Variants in RAB3B observed in about 807,000 individuals in gnomAD.
RAB3B encodes ras-related protein Rab-3B.
In RAB3B, 11 loss-of-function variants were observed where a neutral mutation model predicts 20.5. The observed-to-expected ratio is 0.54, with a 90% CI of 0.34 to 0.89. The LOEUF (loss-of-function observed/expected upper bound fraction) is 0.89. RAB3B is among the 40% of genes least tolerant of loss of function. The probability of loss-of-function intolerance (pLI) is 0.02; values close to 1 mark genes in which losing one functional copy is unlikely to be tolerated. For synonymous variants in RAB3B, 99 were observed against 106.3 expected (o/e 0.93, Z 0.42); for missense variants, 225 against 280.9 (o/e 0.80, Z 1.42).
At chr1:51,980,279 T>A (rs754242443) in intron 1 of RAB3B, among the ~76,000 whole-genome samples, 42 of 151,860 alleles carry the variant, frequency 2.8e-4, no homozygotes, top group Non-Finnish European at 4.7e-4. Flanking sequence ...AAGTAAAAAA[T>A]TAGCCAGCCG....
intron 2 of RAB3B, among the ~76,000 whole-genome samples, chr1:51,974,889 A>T (rs540891675): frequency 6.2e-4 from 94 of 152,390 alleles, no homozygotes; most frequent in Middle Eastern, 3.4e-3. Flanking sequence ...ATTAATGTAC[A>T]TTTAACACGC....
chr1:51,946,822 A>C (rs1275108952), intron 2 of RAB3B, among the ~76,000 whole-genome samples: 1 of 152,200 alleles, frequency 6.6e-6, no homozygotes, highest in African/African-American at 2.4e-5. Context: ...TTTTCAAAAA[A>C]CCCTTCTGAA....
chr1:51,960,446 A>G (rs1684770469), intron 2 of RAB3B, among the ~76,000 whole-genome samples: 1 of 152,198 alleles, frequency 6.6e-6, no homozygotes, highest in Non-Finnish European at 1.5e-5. Flanking sequence ...CAGACTTCAC[A>G]GAGGAAGGTG....
intron 2 of RAB3B, among the ~76,000 whole-genome samples, chr1:51,958,594 A>G (rs1447544307): frequency 1.3e-5 from 2 of 152,156 alleles, no homozygotes; most frequent in Non-Finnish European, 2.9e-5. Flanking sequence ...GTGGAGGCGC[A>G]TGCCTGTAAT....
chr1:51,947,023 C>T (rs1393512608), intron 2 of RAB3B, among the ~76,000 whole-genome samples: 1 of 152,020 alleles, frequency 6.6e-6, no homozygotes, highest in African/African-American at 2.4e-5. Flanking sequence ...GTTTGAGTCC[C>T]CAGTTGATAT....
intron 2 of RAB3B, among the ~76,000 whole-genome samples, chr1:51,957,869 A>G (rs1350894566): frequency 6.6e-6 from 1 of 152,226 alleles, no homozygotes; most frequent in Non-Finnish European, 1.5e-5. Context: ...GTAAATTTCC[A>G]AGCCAGCCTT....
intron 1 of RAB3B, among the ~76,000 whole-genome samples, chr1:51,989,401 C>T (rs1333738679): frequency 1.3e-5 from 2 of 151,950 alleles, no homozygotes; most frequent in Admixed American, 6.6e-5. Context: ...CTCTTATTTT[C>T]TGTGATCCCC....
At chr1:51,937,502 ATTT>A in intron 2 of RAB3B, 90 bp from the exon 3 acceptor site, 4 of 705,834 alleles carry the variant, frequency 5.7e-6, no homozygotes, top group East Asian at 3.6e-5. Context: ...AACCCAAGAC[ATTT>A]TTTTTTTTTG....
At chr1:51,929,268 GA>G (rs1684290227) in intron 4 of RAB3B, among the ~76,000 whole-genome samples, 2 of 152,198 alleles carry the variant, frequency 1.3e-5, no homozygotes. Flanking sequence ...GAGAAATGGA[GA>G]GTGCAATTGA....
chr1:51,976,887 C>T lies in RAB3B; in HGVS notation c.228+3G>A, dbSNP rs544931960. 3.3e-5 allele frequency: 54 copies of T among 1,613,102 alleles called. No individual in the cohort carries two copies. The highest frequency in any genetic ancestry group is 3.3e-4 in the African/African-American group (25 of 75,032). ...AATCCTGCCCAAGATTCCCGGGACT[C>T]ACCCAGATCTGCAGTTTCACCCGCT... On this transcript the variant is annotated splice_donor_region_variant and intron_variant, in intron 2 of 4. Transcript: ENST00000371655.
chr1:51,952,692 A>C (rs1468433647), intron 2 of RAB3B, among the ~76,000 whole-genome samples: 4 of 152,222 alleles, frequency 2.6e-5, no homozygotes, highest in African/African-American at 9.6e-5. Flanking sequence ...TGAACAAAGG[A>C]ATGAATAAAT....
intron 4 of RAB3B, among the ~76,000 whole-genome samples, chr1:51,923,390 T>C (rs1022223412): frequency 2.6e-5 from 4 of 151,998 alleles, no homozygotes; most frequent in Admixed American, 1.3e-4. Flanking sequence ...AGGAGGAAGC[T>C]TCTTGAAGTT....
At chr1:51,920,282 C>A (rs757356378) in intron 4 of RAB3B, among the ~76,000 whole-genome samples, 168 bp from the exon 5 acceptor site, 2 of 152,196 alleles carry the variant, frequency 1.3e-5, no homozygotes, top group Non-Finnish European at 2.9e-5. Context: ...CGGTACAGGG[C>A]AGGAGTTTCC....
chr1:51,955,692 G>A (rs892840757), intron 2 of RAB3B, among the ~76,000 whole-genome samples: 2 of 152,066 alleles, frequency 1.3e-5, no homozygotes, highest in Admixed American at 6.6e-5. Context: ...AAGCCACTGC[G>A]CCTGGCCCCA....
chr1:51,936,703 C>T (rs1684408649), intron 3 of RAB3B, among the ~76,000 whole-genome samples: 1 of 152,190 alleles, frequency 6.6e-6, no homozygotes, highest in African/African-American at 2.4e-5. Context: ...TCAGCAACTC[C>T]AGGGCACTTT....
rs533607811 is a variant in RAB3B, at chr1:51,912,284, T to C, written c.*7643A>G. On this transcript the variant is annotated 3_prime_UTR_variant, in exon 5 of 5. Transcript: ENST00000371655. ...AGTAGCTGGGACTATAGGTGCAGGC[T>C]ACTTTGCCCAGTTAATTTTTTGTAT... is the stretch of plus-strand genomic sequence containing the variant. 3.3e-5 allele frequency: 5 copies of C among 151,050 alleles called. No homozygotes were observed. The highest frequency in any genetic ancestry group is 6.6e-5 in the Admixed American group (1 of 15,102). 9.4% of individuals were successfully genotyped at this position (151,050 alleles called of 1,614,324 possible).
intron 1 of RAB3B, among the ~76,000 whole-genome samples, chr1:51,988,456 T>TG (rs1280399559): frequency 2.0e-5 from 3 of 152,252 alleles, no homozygotes; most frequent in Non-Finnish European, 4.4e-5. Flanking sequence ...AGATGCTTGA[T>TG]ATTCATTTCC....
intron 2 of RAB3B, among the ~76,000 whole-genome samples, chr1:51,953,441 A>C (rs1025789670): frequency 2.0e-5 from 3 of 152,176 alleles, no homozygotes; most frequent in Non-Finnish European, 2.9e-5. Context: ...GGAAATGAAC[A>C]GAGTCAGGCC....
At chr1:51,971,143 GC>G (rs1684927549) in intron 2 of RAB3B, among the ~76,000 whole-genome samples, 1 of 151,282 alleles carries the variant, frequency 6.6e-6, no homozygotes, top group Non-Finnish European at 1.5e-5. Context: ...TCACATTTAG[GC>G]CCCCTCACCA....
Sources: allele counts gnomAD v4.1 joint callset (sites outside exome capture counted in the v4.1 genomes callset), GRCh38; gene constraint gnomAD v4.1.1; transcripts MANE v1.5; gene names NCBI Gene and HGNC (gene_info 2026-07-23, HGNC 2026-07-21).